The following IPP variants were observed in gnomAD, a reference collection of about 807,000 sequenced individuals.
IPP encodes actin-binding protein IPP.
In IPP, 41 loss-of-function variants were observed where a neutral mutation model predicts 64.1. The observed-to-expected ratio is 0.64, with a 90% CI of 0.50 to 0.83. IPP has a LOEUF of 0.83. Among genes scored for constraint, IPP ranks in the 40% least tolerant of loss-of-function variants. The pLI is 0.00. For synonymous variants in IPP, 214 were observed against 235.2 expected, an observed-to-expected ratio of 0.91 and a Z score of 0.83; for missense variants, 649 against 703.0, an observed-to-expected ratio of 0.92 and a Z score of 0.87.
chr1:45,714,333 A>G lies in IPP; in HGVS notation c.1443T>C (p.Ala481=). 6.2e-7 allele frequency: 1 copy of G among 1,614,144 alleles called. No individual in the cohort carries two copies. The highest frequency in any genetic ancestry group is 8.5e-7 in the Non-Finnish European group (1 of 1,179,962). ...CAGAATAGATGCAGTCATTGAGTGC[A>G]GCCACACCAAGATATGCTCTCCTGG... ...MGTRRAYLGV[A]ALNDCIYSVG... Residue 481 remains alanine, a synonymous_variant, in exon 8 of 9, where the codon GCT becomes GCC. Coordinates refer to ENST00000396478, the MANE Select transcript of IPP (RefSeq NM_005897.3).
intron 6 of IPP, among the ~76,000 whole-genome samples, chr1:45,718,816 T>C (rs1350457436): frequency 6.8e-6 from 1 of 146,680 alleles, no homozygotes; most frequent in Non-Finnish European, 1.5e-5. Context: ...CTCATGGAGA[T>C]AGAGAGTAGA....
intron 3 of IPP, among the ~76,000 whole-genome samples, chr1:45,740,148 T>C (rs368086132): frequency 1.1e-4 from 17 of 152,206 alleles, no homozygotes; most frequent in African/African-American, 3.6e-4. Flanking sequence ...GGTAAGGTCA[T>C]AGATCAACAG....
chr1:45,720,813 T>A (rs1645721373), intron 5 of IPP, among the ~76,000 whole-genome samples: 1 of 152,226 alleles, frequency 6.6e-6, no homozygotes, highest in Non-Finnish European at 1.5e-5. Context: ...AATGCCCTAC[T>A]GCATATTATC....
intron 5 of IPP, among the ~76,000 whole-genome samples, chr1:45,725,458 G>A (rs1379541494): frequency 6.9e-6 from 1 of 144,530 alleles, no homozygotes; most frequent in Non-Finnish European, 1.5e-5. Context: ...CCATCCGGGA[G>A]GGAGGTGGGG....
intron 1 of IPP, among the ~76,000 whole-genome samples, chr1:45,748,050 T>G (rs1360815117): frequency 1.3e-5 from 2 of 152,138 alleles, no homozygotes; most frequent in Non-Finnish European, 2.9e-5. Flanking sequence ...CAAGGCTGAT[T>G]ATCATCACTT....
chr1:45,721,197 T>C (rs1645726069), intron 5 of IPP, among the ~76,000 whole-genome samples: 1 of 152,188 alleles, frequency 6.6e-6, no homozygotes, highest in South Asian at 2.1e-4. Context: ...CTTGGAAGAT[T>C]GACCCTTTGC....
At chr1:45,737,516 G>A (rs955036461) in intron 3 of IPP, among the ~76,000 whole-genome samples, 13 of 146,506 alleles carry the variant, frequency 8.9e-5, no homozygotes, top group Admixed American at 3.5e-4. Context: ...GCTAGAGTAC[G>A]GTGGTACAAT....
chr1:45,739,868 T>C (rs28683093), intron 3 of IPP, among the ~76,000 whole-genome samples: 50,675 of 149,298 alleles, frequency 0.34, 8,941 homozygotes, highest in African/African-American at 0.43. Context: ...GTGTTTCTCG[T>C]AGAGGGGGAT....
At chr1:45,700,254 T>C in intron 8 of IPP, 64 bp from the exon 9 acceptor site, 8 of 1,536,208 alleles carry the variant, frequency 5.2e-6, no homozygotes, top group Middle Eastern at 1.8e-4. Flanking sequence ...AGAAATCCAC[T>C]GAGAAATTCG....
At chr1:45,732,361 C>CAAAAAAAAAAAAAAAAAAA (rs779442718) in intron 3 of IPP, among the ~76,000 whole-genome samples, 1 of 59,770 alleles carries the variant, frequency 1.7e-5, no homozygotes, top group Non-Finnish European at 2.8e-5. Flanking sequence ...GACTCCACCT[C>CAAAAAAAAAAAAAAAAAAA]AAAAAAAAAA....
intron 3 of IPP, among the ~76,000 whole-genome samples, chr1:45,738,665 C>T (rs1427670362): frequency 6.6e-6 from 1 of 151,498 alleles, no homozygotes; most frequent in African/African-American, 2.4e-5. Context: ...ACGGTGAAAC[C>T]CTGTCTCTAC....
At chr1:45,714,531 A>G (rs1645632952) in intron 7 of IPP, 65 bp from the exon 8 acceptor site, 1 of 921,802 alleles carries the variant, frequency 1.1e-6, no homozygotes, top group African/African-American at 1.6e-5. Context: ...ATGAAAAGTA[A>G]TGATTGTGAT....
chr1:45,742,176 G>A (rs563495656), intron 2 of IPP, among the ~76,000 whole-genome samples: 4 of 152,148 alleles, frequency 2.6e-5, no homozygotes, highest in Admixed American at 6.5e-5. Flanking sequence ...TTGCATACAC[G>A]TGGACACCAA....
intron 8 of IPP, among the ~76,000 whole-genome samples, chr1:45,707,085 A>T (rs1286411901): frequency 1.3e-5 from 2 of 152,224 alleles, no homozygotes; most frequent in Non-Finnish European, 2.9e-5. Context: ...AAAATTTTAC[A>T]AGTCAACAGA....
downstream of IPP, among the ~76,000 whole-genome samples, chr1:45,695,739 G>A (rs185110668): frequency 9.2e-5 from 14 of 151,824 alleles, no homozygotes; most frequent in East Asian, 2.3e-3. Context: ...GCGCTATCTC[G>A]GCTCACCGCA....
intron 8 of IPP, among the ~76,000 whole-genome samples, chr1:45,712,046 T>G (rs1315536779): frequency 6.6e-6 from 1 of 152,110 alleles, no homozygotes; most frequent in Non-Finnish European, 1.5e-5. Flanking sequence ...CCAGGAGTGG[T>G]GGCTTACACC....
In IPP at chr1:45,747,125, C is replaced by CAT. The variant is rs1293782232; in HGVS notation, c.-50-665_-50-664insAT. 3.3e-5 allele frequency among the ~76,000 whole-genome samples: 5 copies of CAT among 151,360 alleles called. No individual in the cohort carries two copies. The East Asian group carries it at 9.8e-4, about 30-fold the overall frequency. ...GCGCATGCGCGCGCACACGAGCGCGCGCGCGCGCTTCAGAGCTCCTTGAAA... is the reference window on the plus strand; with the variant it reads ...GCGCATGCGCGCGCACACGAGCGCGCATGCGCGCGCTTCAGAGCTCCTTGAAA... On this transcript the variant is annotated intron_variant, in intron 1 of 8. Coordinates refer to ENST00000396478, the MANE Select transcript of IPP (RefSeq NM_005897.3).
In IPP at chr1:45,726,248, C is replaced by T. The variant is rs571090629; in HGVS notation, c.1048+1383G>A. On this transcript the variant is annotated intron_variant, in intron 5 of 8. Coordinates refer to ENST00000396478, the MANE Select transcript of IPP (RefSeq NM_005897.3). Reference sequence around the variant, plus strand: ...CTGAGGCGGATGGATCACCTGAGGTCGGGAGTTCGAGACCAGCCTGACCAA... The same window carrying T: ...CTGAGGCGGATGGATCACCTGAGGTTGGGAGTTCGAGACCAGCCTGACCAA... Among the ~76,000 whole-genome samples the T allele has an allele frequency of 5.7e-3, 859 of 151,430 alleles. 4 individuals are homozygous for T. Among genetic ancestry groups the T allele is most frequent in the Non-Finnish European group, 9.0e-3 (609 of 67,900 alleles).
intron 6 of IPP, among the ~76,000 whole-genome samples, chr1:45,717,901 G>A (rs992267020): frequency 6.6e-5 from 10 of 152,280 alleles, no homozygotes; most frequent in African/African-American, 2.4e-4. Flanking sequence ...AAATATAATA[G>A]ATTAAATTCA....
Sources: gnomAD v4.1 joint callset for allele counts (sites outside exome capture counted in the v4.1 genomes callset) on GRCh38, gnomAD v4.1.1 for gene constraint, MANE v1.5 for transcripts, NCBI Gene and HGNC (gene_info 2026-07-23, HGNC 2026-07-21) for gene names.